The following NDST1 variants were observed in gnomAD, a reference collection of about 807,000 sequenced individuals.
NDST1 encodes the protein N-deacetylase and N-sulfotransferase 1, also known as bifunctional heparan sulfate N-deacetylase/N-sulfotransferase 1.
NDST1 carries 35 observed loss-of-function variants against 92.8 expected under a neutral mutation model. The ratio of observed to expected loss-of-function variants is 0.38; its 90% confidence interval spans 0.29 to 0.50. NDST1 has a LOEUF of 0.50. NDST1 is among the 20% of genes least tolerant of loss of function. The probability of loss-of-function intolerance (pLI) is 0.94; values close to 1 mark genes in which losing one functional copy is unlikely to be tolerated. For synonymous variants in NDST1, 493 were observed against 500.3 expected (o/e 0.99, Z 0.19); for missense variants, 822 against 1,182.7 (o/e 0.69, Z 4.47).
intron 3 of NDST1, among the ~76,000 whole-genome samples, chr5:150,531,437 G>A (rs1340472909): frequency 6.6e-6 from 1 of 151,980 alleles, no homozygotes; most frequent in Non-Finnish European, 1.5e-5. Context: ...GGAGGGCCAG[G>A]ACTTTTAGTT....
At position 150,528,083 on chromosome 5, in the gene NDST1, A is replaced by G; in HGVS notation, c.793A>G (p.Thr265Ala). 1 of 1,613,756 alleles carries G rather than the reference A, an allele frequency of 6.2e-7. No individual in the cohort carries two copies. Among genetic ancestry groups the G allele is most frequent in the Non-Finnish European group, 8.5e-7 (1 of 1,179,770 alleles). Residue 265 changes from threonine (T) to alanine (A), a missense_variant, in exon 3 of 15, where the codon ACT becomes GCT. By Grantham distance (58) the Thr-to-Ala change is moderately conservative. Transcript: ENST00000261797. ...DAGLHAALHA[T>A]VVQDLGLHDG... ...CGGCCTGCATGCTGCACTGCACGCC[A>G]CTGTGGTCCAGGACCTGGGCCTGCA...
rs529847910 is a variant in NDST1, at chr5:150,519,323, T to A, written c.-387-1545T>A. Among the ~76,000 whole-genome samples the A allele has an allele frequency of 9.2e-5, 14 of 152,310 alleles. No individual in the cohort carries two copies. The South Asian group carries it at 2.7e-3, about 29-fold the overall frequency. ...CTCTAGGCTGGGCCCAAGCCTTGAA[T>A]TCCCCCCTGGCCTCTTTAGCCCTGG... is the stretch of plus-strand genomic sequence containing the variant. On this transcript the variant is annotated intron_variant, in intron 1 of 14. Transcript: ENST00000261797.
At position 150,539,265 on chromosome 5, in the gene NDST1, C is replaced by T. The variant is rs1755135301; in HGVS notation, c.1475C>T (p.Thr492Ile). The T allele has an allele frequency of 6.2e-7, 1 of 1,614,072 alleles. No homozygotes were observed. Among genetic ancestry groups the T allele is most frequent in the African/African-American group, 1.3e-5 (1 of 74,934 alleles). The change falls in exon 7 of 15, where the codon ACC (threonine) becomes ATC (isoleucine). Residue 492 changes from threonine to isoleucine, a missense_variant. Thr to Ile is a moderately conservative substitution (Grantham distance 89). Coordinates refer to ENST00000261797, the MANE Select transcript of NDST1 (RefSeq NM_001543.5). ...PRQTCGLFTH[T>I]IFYNEYPGGS... is the part of the protein sequence containing the mutation. ...CAGACCTGCGGCCTCTTCACACACA[C>T]CATCTTCTACAACGAGTACCCTGGC... is the stretch of plus-strand genomic sequence containing the variant.
intron 3 of NDST1, among the ~76,000 whole-genome samples, chr5:150,531,498 CT>C (rs1267366602): frequency 7.2e-6 from 1 of 138,806 alleles, no homozygotes; most frequent in Non-Finnish European, 1.6e-5. Context: ...TTCTTTTTCT[CT>C]CTTTTTTTTT....
intron 6 of NDST1, among the ~76,000 whole-genome samples, chr5:150,536,245 G>A (rs1240210324): frequency 1.3e-5 from 2 of 152,068 alleles, no homozygotes; most frequent in African/African-American, 4.8e-5. Context: ...TAGCACTTTG[G>A]GAGGCCAAGG....
chr5:150,516,584 C>T (rs1032401311), intron 1 of NDST1, among the ~76,000 whole-genome samples: 6 of 152,130 alleles, frequency 3.9e-5, no homozygotes, highest in African/African-American at 1.2e-4. Context: ...CCAGTCTGCA[C>T]GTGTAACCAG....
chr5:150,510,377 A>G (rs1300421314), intron 1 of NDST1, among the ~76,000 whole-genome samples: 1 of 152,244 alleles, frequency 6.6e-6, no homozygotes, highest in Non-Finnish European at 1.5e-5. Flanking sequence ...TGACTCTGTC[A>G]TAGGCAGATT....
At chr5:150,510,128 A>T (rs909375515) in intron 1 of NDST1, among the ~76,000 whole-genome samples, 3 of 152,064 alleles carry the variant, frequency 2.0e-5, no homozygotes, top group Non-Finnish European at 4.4e-5. Context: ...GCGGTTGCTT[A>T]CCCTCTCTGA....
intron 1 of NDST1, 96 bp downstream of exon 1, chr5:150,508,322 AGTGTGTGTGTGTGTGTGT>A (rs56201209): frequency 6.9e-6 from 1 of 145,980 alleles, no homozygotes; most frequent in Middle Eastern, 3.1e-3. Context: ...GGTCCATCTG[AGTGTGTGTGTGTGTGTGT>A]GTGTGTGTGT....
At position 150,528,370 on chromosome 5, in the gene NDST1, G is replaced by A. The variant is rs938741629; in HGVS notation, c.1008+72G>A. ...AGCTTCAGCCTTCAGGTGCCCCATC[G>A]TGGGTGTGCCCTGTCTGCATCTCCC... On this transcript the variant is annotated intron_variant, in intron 3 of 14. Coordinates refer to ENST00000261797, the MANE Select transcript of NDST1 (RefSeq NM_001543.5). 4.0e-6 allele frequency: 6 copies of A among 1,514,430 alleles called. No individual in the cohort carries two copies. The African/African-American group carries it at 5.5e-5, about 14-fold the overall frequency. 93.8% of individuals were successfully genotyped at this position (1,514,430 alleles called of 1,614,324 possible). A position where few individuals can be genotyped will look rare whatever the true frequency, so the allele number is the denominator to read the frequency against.
chr5:150,533,040 G>C lies in NDST1; in HGVS notation c.1096+8G>C. The stretch of plus-strand genomic sequence containing the variant: ...GGAAATTCTTCCACACAGGTAAGTG[G>C]GCCTGCCCCTGCCCTCACTAGCAAC... On this transcript the variant is annotated splice_region_variant and intron_variant, in intron 4 of 14. Coordinates refer to ENST00000261797, the MANE Select transcript of NDST1 (RefSeq NM_001543.5). 1 of 1,613,546 alleles carries C rather than the reference G, an allele frequency of 6.2e-7. No homozygotes were observed. The highest frequency in any genetic ancestry group is 1.3e-5 in the African/African-American group (1 of 75,024).
chr5:150,541,536 G>A lies in NDST1; in HGVS notation c.1750-34G>A, dbSNP rs1230425875. ...TGGGAGTCCACTGACTGGGTTCTGG[G>A]GCGCCCCACACATCCCTTCCACTGT... On this transcript the variant is annotated intron_variant, in intron 8 of 14. Transcript: ENST00000261797. 1.9e-6 allele frequency: 3 copies of A among 1,601,082 alleles called. No homozygotes were observed. In the South Asian group the frequency reaches 3.3e-5, roughly 18 times the overall value.
rs1330178713 is a variant in NDST1, at chr5:150,535,828, G to A, written c.1380G>A (p.Glu460=). The change falls in exon 6 of 15, where the codon GAG becomes GAA. Residue 460 remains glutamate (E), a synonymous_variant. Coordinates refer to ENST00000261797, the MANE Select transcript of NDST1 (RefSeq NM_001543.5). Reference sequence around the variant, plus strand: ...GCATCCGCGTGACCAGCACGGAGGAGTACCCCCACCTGAAGCCAGCCCGCT... The same window carrying A: ...GCATCCGCGTGACCAGCACGGAGGAATACCCCCACCTGAAGCCAGCCCGCT... ...VWSIRVTSTE[E]YPHLKPARYR... is the part of the protein sequence containing the mutation. 1.2e-6 allele frequency: 2 copies of A among 1,614,140 alleles called. No individual in the cohort carries two copies. Among genetic ancestry groups the A allele is most frequent in the Admixed American group, 1.7e-5 (1 of 60,026 alleles).
At chr5:150,532,619 C>T (rs1392528336) in intron 3 of NDST1, among the ~76,000 whole-genome samples, 3 of 152,228 alleles carry the variant, frequency 2.0e-5, no homozygotes, top group African/African-American at 7.2e-5. Context: ...CTCCGCCTCC[C>T]GGGTTCAAGC....
intron 14 of NDST1, chr5:150,552,618 G>A (rs1031282693): frequency 5.2e-6 from 1 of 191,792 alleles, no homozygotes; most frequent in Admixed American, 5.3e-5. Flanking sequence ...CTGCCATAGT[G>A]CTGGTATTAT....
intron 3 of NDST1, among the ~76,000 whole-genome samples, chr5:150,531,906 A>G (rs548005945): frequency 6.6e-6 from 1 of 152,342 alleles, no homozygotes; most frequent in East Asian, 1.9e-4. Flanking sequence ...CTCGAAGAGT[A>G]CTGGGTGCAC....
Position 150,549,658 on chromosome 5 carries a change from T to A in NDST1, c.2317-20T>A. On this transcript the variant is annotated intron_variant, in intron 12 of 14. Transcript: ENST00000261797. ...CCACCGAAGTCAAAGCAGGTCCCGA[T>A]CCCCTTTCTCCCTTTCCAGATTCTG... The A allele has an allele frequency of 6.5e-7, 1 of 1,535,906 alleles. No individual in the cohort carries two copies. Among genetic ancestry groups the A allele is most frequent in the Non-Finnish European group, 9.0e-7 (1 of 1,109,328 alleles).
chr5:150,502,237 G>A (rs73272665), intron 1 of NDST1, among the ~76,000 whole-genome samples: 4,284 of 152,208 alleles, frequency 0.028, 208 homozygotes, highest in African/African-American at 0.098. Flanking sequence ...GTCTTGCCAC[G>A]AGAGAGGTTG....
At chr5:150,547,122 C>T (rs1379892126) in intron 11 of NDST1, among the ~76,000 whole-genome samples, 2 of 152,232 alleles carry the variant, frequency 1.3e-5, no homozygotes, top group Non-Finnish European at 2.9e-5. Flanking sequence ...GTGTCCCCTT[C>T]TCAAAGATTA....
Sources: allele counts gnomAD v4.1 joint callset (sites outside exome capture counted in the v4.1 genomes callset), GRCh38; gene constraint gnomAD v4.1.1; transcripts MANE v1.5; gene names NCBI Gene and HGNC (gene_info 2026-07-23, HGNC 2026-07-21).